MAP3K4: variants seen among roughly 807,000 people sequenced by gnomAD.
MAP3K4 encodes the protein mitogen-activated protein kinase kinase kinase 4, also known as MAP three kinase 1.
In MAP3K4, 67 loss-of-function variants were observed where a neutral mutation model predicts 185.6. The ratio of observed to expected loss-of-function variants is 0.36; its 90% CI spans 0.30 to 0.44. The LOEUF is 0.44. MAP3K4 is among the 20% of genes least tolerant of loss of function. The pLI is 1.00. For synonymous variants in MAP3K4, 702 were observed against 710.4 expected, an observed-to-expected ratio of 0.99 and a Z score of 0.19; for missense variants, 1,551 against 1,995.1, an observed-to-expected ratio of 0.78 and a Z score of 4.24.
In MAP3K4 at chr6:161,037,618, A is replaced by G. The variant is rs1783232608; in HGVS notation, c.343+3169A>G. Among the ~76,000 whole-genome samples the G allele has an allele frequency of 6.6e-6, 1 of 152,020 alleles. No homozygotes were observed. The highest frequency in any genetic ancestry group is 2.1e-4 in the South Asian group (1 of 4,810). The stretch of plus-strand genomic sequence containing the variant: ...TTTTTGGTAGAGACGATGTTTCGCT[A>G]TGTTGGCCAGGCTGGTCTCGAACTG... On this transcript the variant is annotated intron_variant, in intron 2 of 26. Transcript: ENST00000392142. The surrounding 1 kb of genome is among the most constrained non-coding windows in gnomAD (Gnocchi z 4.2).
chr6:160,997,530 G>A (rs898384953), intron 1 of MAP3K4, among the ~76,000 whole-genome samples: 3 of 152,194 alleles, frequency 2.0e-5, no homozygotes, highest in Non-Finnish European at 4.4e-5. Context: ...TGGTACCTGA[G>A]TAGCTCTTCT....
chr6:161,097,033 T>C lies in MAP3K4; in HGVS notation c.3428-47T>C. 1 of 1,485,966 alleles carries C rather than the reference T, an allele frequency of 6.7e-7. No homozygotes were observed. The highest frequency in any genetic ancestry group is 9.4e-7 in the Non-Finnish European group (1 of 1,063,492). 92.0% of individuals were successfully genotyped at this position (1,485,966 alleles called of 1,614,324 possible). ...TTGACTGTTTGGTTTGATGATTTTC[T>C]GTGGACCATATTAACAAGTTGCATT... On this transcript the variant is annotated intron_variant, in intron 15 of 26. Coordinates refer to ENST00000392142, the MANE Select transcript of MAP3K4 (RefSeq NM_005922.4). The surrounding 1 kb of genome is among the most constrained non-coding windows in gnomAD (Gnocchi z 4.9).
intron 1 of MAP3K4, among the ~76,000 whole-genome samples, chr6:161,009,059 A>G (rs1245737697): frequency 6.7e-6 from 1 of 149,690 alleles, no homozygotes; most frequent in Non-Finnish European, 1.5e-5. Context: ...ATCTCGGCTT[A>G]CCACAACCTC....
intron 2 of MAP3K4, among the ~76,000 whole-genome samples, chr6:161,045,889 A>G (rs1278565797): frequency 6.6e-6 from 1 of 152,106 alleles, no homozygotes; most frequent in Non-Finnish European, 1.5e-5. Context: ...GGTGTACATA[A>G]TAGTTAATAC....
intron 1 of MAP3K4, among the ~76,000 whole-genome samples, chr6:161,033,148 C>G (rs1019880871): frequency 2.0e-5 from 3 of 151,802 alleles, no homozygotes; most frequent in African/African-American, 7.3e-5. Context: ...GATTTTATAT[C>G]AAGATATGAA....
intron 1 of MAP3K4, among the ~76,000 whole-genome samples, chr6:161,019,655 C>T (rs911180319): frequency 2.6e-5 from 4 of 152,168 alleles, no homozygotes; most frequent in African/African-American, 2.4e-5. Context: ...GTGATCCACC[C>T]GCATTGGCCT....
rs1785198770 is a variant in MAP3K4 at position 161,076,829 on chromosome 6, G to C, written c.2097+3217G>C. ...TGGGTATCCACTGTGTGCCAGGCAG[G>C]CACCATGCGGGGACCAAGGAACTAG... On this transcript the variant is annotated intron_variant, in intron 5 of 26. Transcript: ENST00000392142. The surrounding 1 kb of genome is among the most constrained non-coding windows in gnomAD (Gnocchi z 4.2). Among the ~76,000 whole-genome samples the C allele has an allele frequency of 6.6e-6, 1 of 152,196 alleles. No individual in the cohort carries two copies. The highest frequency in any genetic ancestry group is 2.1e-4 in the South Asian group (1 of 4,828).
Position 161,082,267 on chromosome 6 carries a change from T to G in MAP3K4, c.2255+1229T>G, listed in dbSNP as rs922745466. On this transcript the variant is annotated intron_variant, in intron 6 of 26. Transcript: ENST00000392142. This position sits in a 1 kb window ranked among gnomAD's most constrained non-coding sequence, Gnocchi z 4.2. ...ATTTGCAACATGTCTCCCCCCTTAC[T>G]TTTCCATGATTCTGCTTTGCCTAAT... Among the ~76,000 whole-genome samples, 6 of 152,082 alleles carry G rather than the reference T, an allele frequency of 3.9e-5. No homozygotes were observed. The highest frequency in any genetic ancestry group is 9.7e-5 in the African/African-American group (4 of 41,420).
Position 161,084,694 on chromosome 6 carries a change from C to T in MAP3K4, c.2372+77C>T, listed in dbSNP as rs111249443. 1 of 867,662 alleles carries T rather than the reference C, an allele frequency of 1.2e-6. No homozygotes were observed. The highest frequency in any genetic ancestry group is 1.5e-5 in the South Asian group (1 of 65,440). The allele number at this position is 867,662 out of a possible 1,614,324, so 53.7% of individuals were successfully genotyped here. A position where few individuals can be genotyped will look rare whatever the true frequency, so the allele number is the denominator to read the frequency against. ...CCTCATGGTGAGATCCTAGAAGGAG[C>T]CTTGTTCAAACCAAATTGTGTTGGC... On this transcript the variant is annotated intron_variant, in intron 7 of 26. Transcript: ENST00000392142. The surrounding 1 kb of genome is among the most constrained non-coding windows in gnomAD (Gnocchi z 4.6).
At chr6:161,066,710 C>G (rs1211655339) in intron 3 of MAP3K4, among the ~76,000 whole-genome samples, 1 of 152,146 alleles carries the variant, frequency 6.6e-6, no homozygotes, top group South Asian at 2.1e-4. Context: ...AACATCTGCT[C>G]CTCTCTGTCT....
At chr6:161,039,912 C>T (rs1387119376) in intron 2 of MAP3K4, among the ~76,000 whole-genome samples, 1 of 152,104 alleles carries the variant, frequency 6.6e-6, no homozygotes, top group East Asian at 1.9e-4. Flanking sequence ...TAGTGTGTTT[C>T]CATAGTTTCA....
intron 19 of MAP3K4, 45 bp downstream of exon 19, chr6:161,102,824 A>C (rs754362192): frequency 1.7e-5 from 19 of 1,103,722 alleles, no homozygotes; most frequent in Admixed American, 1.1e-4. Context: ...AAAAAAAAAA[A>C]CACGATTACA....
Position 161,070,963 on chromosome 6 carries a change from A to C in MAP3K4, c.1950+113A>C. The stretch of plus-strand genomic sequence containing the variant: ...TTCTTAATTGTCGCAAATAGTGAAA[A>C]ATGACTGTTTGTCCATGGTTTTAAG... On this transcript the variant is annotated intron_variant, in intron 4 of 26. Coordinates refer to ENST00000392142, the MANE Select transcript of MAP3K4 (RefSeq NM_005922.4). This position sits in a 1 kb window ranked among gnomAD's most constrained non-coding sequence, Gnocchi z 4.5. The C allele has an allele frequency of 2.0e-6, 2 of 1,008,554 alleles. No homozygotes were observed. The highest frequency in any genetic ancestry group is 1.6e-5 in the African/African-American group (1 of 61,302). The allele number at this position is 1,008,554 out of a possible 1,614,324, so 62.5% of individuals were successfully genotyped here.
In MAP3K4 at chr6:161,108,087, CTG is replaced by C. The variant is rs1338528431; in HGVS notation, c.4119+119_4119+120del. The stretch of plus-strand genomic sequence containing the variant: ...CGTAGAGCTGTCTTCAGCACCAGCA[CTG>C]CGACAGTCAGGACCAACCAGGCAGA... On this transcript the variant is annotated intron_variant, in intron 21 of 26. Coordinates refer to ENST00000392142, the MANE Select transcript of MAP3K4 (RefSeq NM_005922.4). This position sits in a 1 kb window ranked among gnomAD's most constrained non-coding sequence, Gnocchi z 5.7. 4.1e-5 allele frequency: 35 copies of C among 846,734 alleles called. No homozygotes were observed. The highest frequency in any genetic ancestry group is 5.7e-5 in the Non-Finnish European group (31 of 542,896). 52.5% of individuals were successfully genotyped at this position (846,734 alleles called of 1,614,324 possible).
intron 1 of MAP3K4, among the ~76,000 whole-genome samples, chr6:161,029,196 A>G (rs1006688836): frequency 6.8e-6 from 1 of 147,128 alleles, no homozygotes; most frequent in African/African-American, 2.5e-5. Flanking sequence ...TAAAATATCC[A>G]TTTATTTCGA....
chr6:161,094,013 C>T (rs541352275), intron 15 of MAP3K4, among the ~76,000 whole-genome samples, 162 bp downstream of exon 15: 2 of 152,088 alleles, frequency 1.3e-5, no homozygotes, highest in African/African-American at 2.4e-5. Flanking sequence ...TAGAGAACTC[C>T]GCAGCAACCT....
Position 161,071,208 on chromosome 6 carries a change from G to T in MAP3K4, c.1950+358G>T, listed in dbSNP as rs35811848. ...GTACATGTAAACAGATAAATGTCTA[G>T]AATAGGCATGGGGAGGGGTTTGGAC... On this transcript the variant is annotated intron_variant, in intron 4 of 26. Coordinates refer to ENST00000392142, the MANE Select transcript of MAP3K4 (RefSeq NM_005922.4). This position sits in a 1 kb window ranked among gnomAD's most constrained non-coding sequence, Gnocchi z 4.6. 0.032 allele frequency among the ~76,000 whole-genome samples: 4,908 copies of T among 152,138 alleles called. 260 individuals carry two copies. The highest frequency in any genetic ancestry group is 0.11 in the African/African-American group (4,670 of 41,486).
At chr6:160,999,924 C>T (rs940258711) in intron 1 of MAP3K4, among the ~76,000 whole-genome samples, 3 of 152,154 alleles carry the variant, frequency 2.0e-5, no homozygotes, top group South Asian at 2.1e-4. Flanking sequence ...GTTTTTCCCC[C>T]GTGAAACTTT....
In MAP3K4 at chr6:161,075,647, A is replaced by G. The variant is rs1381734735; in HGVS notation, c.2097+2035A>G. ...GTGGCAGGGGAGCAGGGTGAGGAGC[A>G]TCAGGCATGTGAACCACGCCTTCCT... On this transcript the variant is annotated intron_variant, in intron 5 of 26. Coordinates refer to ENST00000392142, the MANE Select transcript of MAP3K4 (RefSeq NM_005922.4). This position sits in a 1 kb window ranked among gnomAD's most constrained non-coding sequence, Gnocchi z 4.3. Among the ~76,000 whole-genome samples the G allele has an allele frequency of 6.6e-6, 1 of 152,216 alleles. No homozygotes were observed. The highest frequency in any genetic ancestry group is 1.5e-5 in the Non-Finnish European group (1 of 68,040).
Sources: gnomAD v4.1 joint callset for allele counts (sites outside exome capture counted in the v4.1 genomes callset) on GRCh38, gnomAD v4.1.1 for gene constraint, Gnocchi (gnomAD v3.1) non-coding constraint, MANE v1.5 for transcripts, NCBI Gene and HGNC (gene_info 2026-07-23, HGNC 2026-07-21) for gene names.